The following CSMD3 variants were observed in gnomAD, a reference collection of about 807,000 sequenced individuals.
CSMD3 encodes CUB and Sushi multiple domains 3, also known as CUB and sushi domain-containing protein 3.
In CSMD3, 177 loss-of-function variants were observed where a neutral mutation model predicts 435.2. The observed-to-expected ratio is 0.41, with a 90% CI of 0.36 to 0.46. The LOEUF is 0.46. Ranked by LOEUF, CSMD3 falls within the 20% of genes least tolerant of loss-of-function variation. The pLI, the probability that CSMD3 is intolerant of heterozygous loss-of-function variation, is 0.34. For synonymous variants in CSMD3, 1,656 were observed against 1,520.5 expected (o/e 1.09, Z -2.07); for missense variants, 4,265 against 4,504.6 (o/e 0.95, Z 1.52).
intron 22 of CSMD3, among the ~76,000 whole-genome samples, chr8:112,618,696 G>T (rs1478907473): frequency 6.6e-6 from 1 of 151,872 alleles, no homozygotes; most frequent in East Asian, 1.9e-4. Context: ...AAAGAAAGTT[G>T]AAAATCTAGG....
chr8:112,372,771 C>G (rs1037076791), intron 38 of CSMD3, among the ~76,000 whole-genome samples: 12 of 151,592 alleles, frequency 7.9e-5, no homozygotes, highest in Non-Finnish European at 1.6e-4. Context: ...ATTGCTTGAC[C>G]CTGAGAGGCG....
intron 31 of CSMD3, among the ~76,000 whole-genome samples, chr8:112,481,966 G>A (rs984761444): frequency 1.3e-5 from 2 of 151,714 alleles, no homozygotes; most frequent in Admixed American, 1.3e-4. Context: ...TCCATTACAT[G>A]TGAATTGACT....
At chr8:112,337,782 A>G in intron 42 of CSMD3, 51 bp from the exon 43 acceptor site, 1 of 1,448,028 alleles carries the variant, frequency 6.9e-7, no homozygotes, top group Non-Finnish European at 9.6e-7. Context: ...TTCAGAGGCC[A>G]CAGATAGGGT....
intron 22 of CSMD3, among the ~76,000 whole-genome samples, chr8:112,614,241 T>C (rs1430668371): frequency 8.5e-5 from 13 of 152,090 alleles, no homozygotes; most frequent in Admixed American, 8.5e-4. Context: ...AGTGCCCTAA[T>C]TGCCATGGTA....
intron 32 of CSMD3, among the ~76,000 whole-genome samples, chr8:112,437,734 A>C (rs1814530559): frequency 6.6e-6 from 1 of 152,112 alleles, no homozygotes. Flanking sequence ...GCTTTCCAGT[A>C]ATTTTTAATG....
intron 32 of CSMD3, among the ~76,000 whole-genome samples, chr8:112,423,354 T>C (rs927189347): frequency 1.3e-5 from 2 of 152,180 alleles, no homozygotes; most frequent in Non-Finnish European, 2.9e-5. Context: ...CAAAAGCACA[T>C]AAGAGTCACC....
intron 59 of CSMD3, among the ~76,000 whole-genome samples, chr8:112,268,648 CT>C (rs1817184637): frequency 6.6e-6 from 1 of 152,118 alleles, no homozygotes; most frequent in Non-Finnish European, 1.5e-5. Context: ...GACCTATGGA[CT>C]GGTGTTTGAG....
At chr8:112,537,315 A>G (rs931862822) in intron 27 of CSMD3, among the ~76,000 whole-genome samples, 7 of 151,866 alleles carry the variant, frequency 4.6e-5, no homozygotes, top group Non-Finnish European at 8.8e-5. Flanking sequence ...CAAATTAACA[A>G]TCTGATGCTC....
intron 22 of CSMD3, among the ~76,000 whole-genome samples, chr8:112,635,414 C>T (rs1253482988): frequency 6.6e-6 from 1 of 151,702 alleles, no homozygotes; most frequent in East Asian, 1.9e-4. Context: ...TAAGTACCTT[C>T]GAAAACAGTC....
In CSMD3 at chr8:112,636,840, C is replaced by G. The variant is rs2131580516; in HGVS notation, c.3692G>C (p.Ser1231Thr). Residue 1231 changes from serine to threonine, a missense_variant, in exon 22 of 71, where the codon AGT (serine) becomes ACT (threonine). By Grantham distance (58) the Ser-to-Thr change is moderately conservative. Transcript: ENST00000297405. ...ACCCACACACCTTGGCAGAGGTGCA[C>G]TCCACACTCGTCGGCCACCACCAAG... is the stretch of plus-strand genomic sequence containing the variant. The part of the protein sequence containing the change: ...ICLGGGRRVW[S>T]APLPRCVAEC... 1 of 1,612,104 alleles carries G rather than the reference C, an allele frequency of 6.2e-7. No individual in the cohort carries two copies. The highest frequency in any genetic ancestry group is 8.5e-7 in the Non-Finnish European group (1 of 1,179,252).
intron 59 of CSMD3, among the ~76,000 whole-genome samples, chr8:112,275,539 C>T (rs1817964324): frequency 6.6e-6 from 1 of 152,010 alleles, no homozygotes. Context: ...AAGAGCGAAA[C>T]TCCATCTCAA....
chr8:112,558,043 G>C (rs1828281867), intron 24 of CSMD3, among the ~76,000 whole-genome samples: 1 of 151,890 alleles, frequency 6.6e-6, no homozygotes, highest in Non-Finnish European at 1.5e-5. Context: ...TCGGTTTCAA[G>C]TGTTGGCGCT....
intron 1 of CSMD3, among the ~76,000 whole-genome samples, chr8:113,320,615 C>A (rs1360282459): frequency 6.6e-6 from 1 of 152,056 alleles, no homozygotes; most frequent in Admixed American, 6.6e-5. Context: ...TTTCCATTTT[C>A]AAAATCAGTT....
At chr8:112,332,626 G>T (rs192084429) in intron 45 of CSMD3, among the ~76,000 whole-genome samples, 1 of 152,116 alleles carries the variant, frequency 6.6e-6, no homozygotes, top group African/African-American at 2.4e-5. Flanking sequence ...CATGAACTCT[G>T]GCTATGCTCC....
chr8:113,006,537 G>C (rs972149), intron 6 of CSMD3, among the ~76,000 whole-genome samples: 90,653 of 151,656 alleles, frequency 0.6, 28,542 homozygotes, highest in East Asian at 0.95. Context: ...AAGGACTGGT[G>C]TCCATGTCTG....
chr8:113,318,506 T>C (rs1021110182), intron 1 of CSMD3, among the ~76,000 whole-genome samples: 6 of 152,036 alleles, frequency 3.9e-5, no homozygotes, highest in African/African-American at 1.4e-4. Flanking sequence ...AGTCCTAATG[T>C]TGTACATCAG....
intron 13 of CSMD3, among the ~76,000 whole-genome samples, chr8:112,722,740 G>A (rs1374418797): frequency 6.6e-6 from 1 of 151,930 alleles, no homozygotes; most frequent in Non-Finnish European, 1.5e-5. Flanking sequence ...ATAGACACAA[G>A]GAATAAAAGA....
At chr8:113,243,854 A>G (rs1764961291) in intron 3 of CSMD3, among the ~76,000 whole-genome samples, 2 of 152,106 alleles carry the variant, frequency 1.3e-5, no homozygotes, top group Admixed American at 6.6e-5. Flanking sequence ...TTTCCCCATA[A>G]CTAATGATGT....
At chr8:113,211,622 G>A in intron 3 of CSMD3, among the ~76,000 whole-genome samples, 1 of 152,132 alleles carries the variant, frequency 6.6e-6, no homozygotes, top group East Asian at 1.9e-4. Flanking sequence ...CCAGGAGACG[G>A]AGGTTGCAGT....
Sources: allele counts gnomAD v4.1 joint callset (sites outside exome capture counted in the v4.1 genomes callset), GRCh38; gene constraint gnomAD v4.1.1; transcripts MANE v1.5; gene names NCBI Gene and HGNC (gene_info 2026-07-23, HGNC 2026-07-21).